FDFT1: variants seen among roughly 807,000 people sequenced by gnomAD.
FDFT1 encodes squalene synthase.
Under a neutral mutation model 46.8 loss-of-function variants are expected in FDFT1, and 68 were observed. The observed-to-expected ratio is 1.45, with a 90% CI of 1.19 to 1.78. The LOEUF (loss-of-function observed/expected upper bound fraction) is 1.78, where lower values mean the gene tolerates loss of function less well. Ranked by LOEUF, FDFT1 falls within the 40% of genes most tolerant of loss-of-function variation. The pLI is 0.00. For missense variants in FDFT1, 928 were observed against 524.4 expected (o/e 1.77, Z -7.52); for synonymous variants, 351 against 185.1 (o/e 1.90, Z -7.28).
chr8:11,825,698 A>AAT (rs1554524456), intron 4 of FDFT1, among the ~76,000 whole-genome samples: 13 of 148,054 alleles, frequency 8.8e-5, no homozygotes, highest in Non-Finnish European at 3.0e-5. Context: ...AAAAAAAAAT[A>AAT]AAAAATAAAA....
At chr8:11,802,591 T>C, upstream of FDFT1, 2 of 623,344 alleles carry the variant, frequency 3.2e-6, no homozygotes, top group South Asian at 1.6e-5. Context: ...GGGGTCTTCC[T>C]AGTGTGAGCG....
At chr8:11,818,574 G>C (rs947233774) in intron 3 of FDFT1, among the ~76,000 whole-genome samples, 5 of 152,186 alleles carry the variant, frequency 3.3e-5, no homozygotes, top group African/African-American at 1.2e-4. Flanking sequence ...GTTTAAGATA[G>C]TTAGCTCTTC....
chr8:11,834,148 T>G (rs566744837), intron 7 of FDFT1, among the ~76,000 whole-genome samples: 2 of 152,316 alleles, frequency 1.3e-5, no homozygotes, highest in East Asian at 3.9e-4. Flanking sequence ...GACTTAGTGT[T>G]GTAGCGAGCA....
chr8:11,838,253 G>A (rs1811811279), intron 7 of FDFT1, 135 bp from the exon 8 acceptor site: 4 of 704,004 alleles, frequency 5.7e-6, no homozygotes, highest in African/African-American at 3.5e-5. Flanking sequence ...GGTAAGTTAT[G>A]TTCATGTTCT....
At chr8:11,825,767 GTA>G (rs369754155) in intron 4 of FDFT1, among the ~76,000 whole-genome samples, 3 of 152,118 alleles carry the variant, frequency 2.0e-5, no homozygotes, top group African/African-American at 7.2e-5. Context: ...CAGTACATGT[GTA>G]TTGTAGAAAT....
At chr8:11,837,783 T>G (rs555667613) in intron 7 of FDFT1, among the ~76,000 whole-genome samples, 2 of 152,242 alleles carry the variant, frequency 1.3e-5, no homozygotes, top group Admixed American at 1.3e-4. Context: ...AGATAGCTCA[T>G]CTGAGAGGCA....
At chr8:11,816,850 A>G (rs765338781) in intron 3 of FDFT1, among the ~76,000 whole-genome samples, 1 of 152,114 alleles carries the variant, frequency 6.6e-6, no homozygotes, top group African/African-American at 2.4e-5. Flanking sequence ...CTAATTGAAT[A>G]CCCTTTATTT....
chr8:11,820,296 T>C (rs9644689), intron 3 of FDFT1, among the ~76,000 whole-genome samples: 1 of 152,034 alleles, frequency 6.6e-6, no homozygotes, highest in Admixed American at 6.5e-5. Flanking sequence ...TCAGGCTACA[T>C]GGGGCTCAGG....
At chr8:11,808,946 G>A (rs1318297586) in intron 2 of FDFT1, 55 bp downstream of exon 2, 2 of 1,579,148 alleles carry the variant, frequency 1.3e-6, no homozygotes, top group Non-Finnish European at 1.7e-6. Flanking sequence ...CGGGACCTTT[G>A]AGTGTGTTGG....
At chr8:11,837,598 A>T (rs1158466888) in intron 7 of FDFT1, among the ~76,000 whole-genome samples, 14 of 152,148 alleles carry the variant, frequency 9.2e-5, no homozygotes, top group African/African-American at 3.4e-4. Context: ...CAGGTGCAGT[A>T]GGTCTGGACC....
chr8:11,798,768 T>G (rs1224664712), upstream of FDFT1, among the ~76,000 whole-genome samples: 1 of 152,266 alleles, frequency 6.6e-6, no homozygotes, highest in African/African-American at 2.4e-5. Context: ...TGAGCCAGTA[T>G]GTGCTGGGCA....
At chr8:11,831,435 C>A in intron 6 of FDFT1, 83 bp from the exon 7 acceptor site, 1 of 1,274,170 alleles carries the variant, frequency 7.8e-7, no homozygotes, top group Non-Finnish European at 1.1e-6. Flanking sequence ...GCCCATTCAA[C>A]AGAAGGTTTT....
intron 7 of FDFT1, among the ~76,000 whole-genome samples, chr8:11,835,965 C>G (rs1304405836): frequency 2.7e-4 from 13 of 48,472 alleles, no homozygotes; most frequent in African/African-American, 7.1e-4. Context: ...GAAACCCTGT[C>G]TCTACTAAAA....
intron 5 of FDFT1, among the ~76,000 whole-genome samples, chr8:11,826,469 G>T (rs1326330167): frequency 6.6e-6 from 1 of 152,166 alleles, no homozygotes. Flanking sequence ...TCTCCAAGTG[G>T]TGGATATGGT....
chr8:11,802,904 G>C lies in FDFT1; in HGVS notation c.72G>C (p.Lys24Asn). The C allele has an allele frequency of 3.7e-6, 6 of 1,611,168 alleles. No homozygotes were observed. Among genetic ancestry groups the C allele is most frequent in the Non-Finnish European group, 5.1e-6 (6 of 1,178,656 alleles). ...YNLVRFRIGG[K>N]RKVMPKMDQD... ...TGGTGCGCTTCCGGATCGGGGGCAA[G>C]CGGAAGGTGATGCCCAAGATGGACC... Residue 24 changes from lysine to asparagine, a missense_variant, in exon 1 of 8, where the codon AAG becomes AAC. Coordinates refer to ENST00000220584, the MANE Select transcript of FDFT1 (RefSeq NM_004462.5).
chr8:11,823,473 T>C (rs144941865), intron 4 of FDFT1, among the ~76,000 whole-genome samples: 1 of 152,230 alleles, frequency 6.6e-6, no homozygotes, highest in African/African-American at 2.4e-5. Context: ...GATTTCACTC[T>C]TTTCATGTTA....
chr8:11,801,383 G>A (rs187863930), upstream of FDFT1, among the ~76,000 whole-genome samples: 1 of 152,146 alleles, frequency 6.6e-6, no homozygotes, highest in African/African-American at 2.4e-5. Flanking sequence ...GCAATAGCGC[G>A]ATCTCAGCTC....
At chr8:11,803,448 T>A (rs1330660244) in intron 1 of FDFT1, 3 of 1,283,098 alleles carry the variant, frequency 2.3e-6, no homozygotes, top group African/African-American at 1.5e-5. Context: ...AGTTTTAAAA[T>A]CGCCTATCTA....
rs1321734043 is a variant in FDFT1, at chr8:11,820,487, AGCTGCG to A, written c.382-1261_382-1256del. 4.1e-3 allele frequency among the ~76,000 whole-genome samples: 350 copies of A among 84,748 alleles called. 4 individuals are homozygous for A. Among genetic ancestry groups the A allele is most frequent in the African/African-American group, 0.013 (339 of 25,662 alleles). 55.6% of individuals were successfully genotyped at this position (84,748 alleles called of 152,430 possible). A position where few individuals can be genotyped will look rare whatever the true frequency, so the allele number is the denominator to read the frequency against. On this transcript the variant is annotated intron_variant, in intron 3 of 7. Transcript: ENST00000220584. ...TCTAGAGAGGCAGTAGGCCTTGCTG[AGCTGCG>A]GTGGGCTCCACCCAGTTCAAGCTTC... is the stretch of plus-strand genomic sequence containing the variant.
Sources: allele counts gnomAD v4.1 joint callset (sites outside exome capture counted in the v4.1 genomes callset), GRCh38; gene constraint gnomAD v4.1.1; transcripts MANE v1.5; gene names NCBI Gene and HGNC (gene_info 2026-07-23, HGNC 2026-07-21).